SORBS2: variants seen among roughly 807,000 people sequenced by gnomAD.
SORBS2 encodes the protein sorbin and SH3 domain containing 2, also known as sorbin and SH3 domain-containing protein 2.
Under a neutral mutation model 97.7 loss-of-function variants are expected in SORBS2, and 46 were observed. The observed-to-expected ratio is 0.47, with a 90% CI of 0.37 to 0.60. The LOEUF (loss-of-function observed/expected upper bound fraction) is 0.60, where lower values mean the gene tolerates loss of function less well. Ranked by LOEUF, SORBS2 falls within the 20% of genes least tolerant of loss-of-function variation. The pLI is 0.00. For missense variants in SORBS2, 1,316 were observed against 1,282.3 expected (o/e 1.03, Z -0.40); for synonymous variants, 476 against 473.4 (o/e 1.01, Z -0.07).
intron 12 of SORBS2, among the ~76,000 whole-genome samples, chr4:185,610,280 G>T (rs2096512218): frequency 6.6e-6 from 1 of 152,142 alleles, no homozygotes; most frequent in African/African-American, 2.4e-5. Context: ...GTTATTTAAA[G>T]ATGACTGAAT....
At chr4:185,659,040 A>G (rs1484052463), upstream of SORBS2, among the ~76,000 whole-genome samples, 1 of 152,074 alleles carries the variant, frequency 6.6e-6, no homozygotes, top group African/African-American at 2.4e-5. Context: ...TAACTCATCA[A>G]TATAAGGGTA....
chr4:185,891,424 C>A (rs1016819826), intron 1 of SORBS2, among the ~76,000 whole-genome samples: 3 of 152,150 alleles, frequency 2.0e-5, no homozygotes, highest in African/African-American at 7.2e-5. Context: ...GAATGAGGGA[C>A]CTGAATTATG....
chr4:185,726,026 C>T (rs2098552533), intron 2 of SORBS2, among the ~76,000 whole-genome samples: 1 of 152,000 alleles, frequency 6.6e-6, no homozygotes, highest in Admixed American at 6.6e-5. Context: ...CACATTTTAA[C>T]CAGATGCCTA....
chr4:185,606,112 T>TA lies in SORBS2; in HGVS notation c.2796+5667dup. 1 of 985,436 alleles carries TA rather than the reference T, an allele frequency of 1.0e-6. No homozygotes were observed. The highest frequency in any genetic ancestry group is 4.7e-5 in the South Asian group (1 of 21,292). 61.0% of individuals were successfully genotyped at this position (985,436 alleles called of 1,614,324 possible). A position where few individuals can be genotyped will look rare whatever the true frequency, so the allele number is the denominator to read the frequency against. The stretch of plus-strand genomic sequence containing the variant: ...CATTATTATTTTTGCAAAGTGCCGT[T>TA]ATGTCAAAGGTATGGTGTACAGTTT... On this transcript the variant is annotated intron_variant, in intron 12 of 14. Coordinates refer to ENST00000418609, the Ensembl canonical transcript of SORBS2. The surrounding 1 kb of genome is among the most constrained non-coding windows in gnomAD (Gnocchi z 4.3).
chr4:185,770,745 A>G, intron 2 of SORBS2, among the ~76,000 whole-genome samples: 1 of 152,156 alleles, frequency 6.6e-6, no homozygotes, highest in East Asian at 1.9e-4. Flanking sequence ...AGACTGTAAT[A>G]ATATATCCTT....
chr4:185,859,424 A>C (rs994350696), intron 1 of SORBS2, among the ~76,000 whole-genome samples: 2 of 151,658 alleles, frequency 1.3e-5, no homozygotes, highest in African/African-American at 4.8e-5. Context: ...CGTTTCCCAC[A>C]CTCTGTGCAG....
intron 7 of SORBS2, among the ~76,000 whole-genome samples, chr4:185,620,466 T>C (rs549502257): frequency 6.6e-6 from 1 of 152,334 alleles, no homozygotes; most frequent in East Asian, 1.9e-4. Context: ...TTCATATAAA[T>C]TTTTTCCAAA....
chr4:185,601,040 TAAG>T (rs1294691416), intron 12 of SORBS2, among the ~76,000 whole-genome samples: 8 of 152,218 alleles, frequency 5.3e-5, no homozygotes, highest in African/African-American at 1.9e-4. Flanking sequence ...TGATCTGGCT[TAAG>T]AGAACTTCCG....
chr4:185,759,584 C>CAAACGGGT (rs892391374), intron 2 of SORBS2, among the ~76,000 whole-genome samples: 1 of 150,064 alleles, frequency 6.7e-6, no homozygotes, highest in African/African-American at 2.4e-5. Flanking sequence ...AGAAATCTCT[C>CAAACGGGT]AAACGGGTGA....
intron 1 of SORBS2, among the ~76,000 whole-genome samples, chr4:185,931,475 G>A (rs1218071265): frequency 6.6e-6 from 1 of 152,172 alleles, no homozygotes; most frequent in African/African-American, 2.4e-5. Flanking sequence ...GGAGACTGAT[G>A]GCCAAGAAGC....
chr4:185,637,997 C>A, intron 4 of SORBS2, 82 bp downstream of exon 15: 2 of 868,374 alleles, frequency 2.3e-6, no homozygotes, highest in Admixed American at 1.7e-5. Flanking sequence ...CTGAATGACA[C>A]CCACGTCTAC....
At chr4:185,759,487 A>G (rs1401613106) in intron 2 of SORBS2, among the ~76,000 whole-genome samples, 3 of 152,242 alleles carry the variant, frequency 2.0e-5, no homozygotes, top group Non-Finnish European at 4.4e-5. Flanking sequence ...AGGATATTGC[A>G]TATTTAACGG....
intron 2 of SORBS2, among the ~76,000 whole-genome samples, chr4:185,733,119 C>T (rs2098655607): frequency 1.3e-5 from 2 of 152,220 alleles, no homozygotes. Context: ...TTTCAAGCCA[C>T]CCAATTGGTT....
chr4:185,921,916 A>G lies in SORBS2; in HGVS notation c.-338+34280T>C, dbSNP rs569051578. The stretch of plus-strand genomic sequence containing the variant: ...TTTATTCAGACTGCCCTGCTATTGG[A>G]GCTGCCTGTTACAGGAACACTGCCA... On this transcript the variant is annotated intron_variant, in intron 1 of 20. Transcript: ENST00000284776. 3.9e-5 allele frequency among the ~76,000 whole-genome samples: 6 copies of G among 152,302 alleles called. No homozygotes were observed. In the East Asian group the frequency reaches 1.2e-3, roughly 29 times the overall value.
At chr4:185,951,523 C>T (rs2099277216) in intron 1 of SORBS2, among the ~76,000 whole-genome samples, 1 of 152,212 alleles carries the variant, frequency 6.6e-6, no homozygotes, top group South Asian at 2.1e-4. Flanking sequence ...ACAGCCCTCC[C>T]TGACATTGCA....
intron 2 of SORBS2, among the ~76,000 whole-genome samples, chr4:185,694,771 A>T (rs1326075914): frequency 1.4e-5 from 2 of 139,202 alleles, no homozygotes; most frequent in African/African-American, 5.4e-5. Flanking sequence ...CAGTGGCATG[A>T]TCTCGGCTCA....
rs374290774 is a variant in SORBS2, at chr4:185,867,098, G to A, written c.-338+89098C>T. Reference sequence around the variant, plus strand: ...GCCAGCTTGGCTCACTGCAACCCCCGCCTCCCAGGTTCAAGCGATTCTCCT... The same window carrying A: ...GCCAGCTTGGCTCACTGCAACCCCCACCTCCCAGGTTCAAGCGATTCTCCT... On this transcript the variant is annotated intron_variant, in intron 1 of 20. Coordinates refer to the SORBS2 transcript ENST00000284776. 5.0e-4 allele frequency among the ~76,000 whole-genome samples: 76 copies of A among 152,164 alleles called. No individual in the cohort carries two copies. The South Asian group carries it at 0.015, about 29-fold the overall frequency.
At chr4:185,732,924 C>T (rs13135196) in intron 2 of SORBS2, among the ~76,000 whole-genome samples, 88,168 of 151,968 alleles carry the variant, frequency 0.58, 26,543 homozygotes, top group Non-Finnish European at 0.66. Flanking sequence ...AAGAACATTG[C>T]GAGACAATGC....
At chr4:185,932,458 T>C (rs946980243) in intron 1 of SORBS2, among the ~76,000 whole-genome samples, 1 of 151,848 alleles carries the variant, frequency 6.6e-6, no homozygotes, top group Non-Finnish European at 1.5e-5. Context: ...GACAATACTG[T>C]TATCATTAAC....
Sources: allele counts gnomAD v4.1 joint callset (sites outside exome capture counted in the v4.1 genomes callset), GRCh38; gene constraint gnomAD v4.1.1; non-coding constraint Gnocchi (gnomAD v3.1); transcripts MANE v1.5; gene names NCBI Gene and HGNC (gene_info 2026-07-23, HGNC 2026-07-21).